Variants in EYS observed in about 807,000 individuals in gnomAD.
EYS encodes the protein protein eyes shut homolog.
A neutral mutation model predicts 282.1 loss-of-function variants in EYS; 250 were observed. That is an observed-to-expected ratio of 0.89 (90% CI 0.80 to 0.98). The LOEUF (loss-of-function observed/expected upper bound fraction) is 0.98, where lower values mean the gene tolerates loss of function less well. Among genes scored for constraint, EYS ranks in the 50% least tolerant of loss-of-function variants. The pLI is 0.00. For synonymous variants in EYS, 1,355 were observed against 1,282.9 expected, an observed-to-expected ratio of 1.06 and a Z score of -1.20; for missense variants, 4,016 against 3,709.0, an observed-to-expected ratio of 1.08 and a Z score of -2.15.
At chr6:65,387,700 C>T (rs1394788343) in intron 7 of EYS, among the ~76,000 whole-genome samples, 1 of 151,906 alleles carries the variant, frequency 6.6e-6, no homozygotes, top group Non-Finnish European at 1.5e-5. Context: ...TATAAACTAA[C>T]TTCAGATAGT....
At chr6:64,490,903 G>A (rs1486097069) in intron 26 of EYS, among the ~76,000 whole-genome samples, 1 of 150,658 alleles carries the variant, frequency 6.6e-6, no homozygotes, top group Admixed American at 6.6e-5. Flanking sequence ...TGCATATTAT[G>A]TGGTAGAACT....
At chr6:63,891,611 C>A (rs1036807289) in intron 35 of EYS, among the ~76,000 whole-genome samples, 1 of 152,140 alleles carries the variant, frequency 6.6e-6, no homozygotes, top group Admixed American at 6.6e-5. Flanking sequence ...CTATTTATGA[C>A]AAACCCATGG....
chr6:65,044,532 T>C (rs1773041542), intron 13 of EYS, among the ~76,000 whole-genome samples: 1 of 151,802 alleles, frequency 6.6e-6, no homozygotes, highest in Non-Finnish European at 1.5e-5. Context: ...GAGGATGAAG[T>C]CTCTCTAGTA....
intron 13 of EYS, among the ~76,000 whole-genome samples, chr6:65,000,615 T>C (rs1245530948): frequency 6.7e-6 from 1 of 149,756 alleles, no homozygotes; most frequent in Non-Finnish European, 1.5e-5. Flanking sequence ...CTACTAAAAA[T>C]ATAAAAAAAA....
intron 35 of EYS, among the ~76,000 whole-genome samples, chr6:63,887,324 T>G (rs927037648): frequency 6.6e-5 from 10 of 150,798 alleles, no homozygotes; most frequent in African/African-American, 1.2e-4. Context: ...GTTTTTTTTT[T>G]TTTTTTTTGT....
chr6:64,619,994 C>T (rs964650732), intron 23 of EYS, among the ~76,000 whole-genome samples: 1 of 152,078 alleles, frequency 6.6e-6, no homozygotes, highest in African/African-American at 2.4e-5. Flanking sequence ...CTGAGAAAAA[C>T]ATTAAGGCTG....
At chr6:65,446,791 A>C (rs1283637861) in intron 5 of EYS, among the ~76,000 whole-genome samples, 1 of 151,340 alleles carries the variant, frequency 6.6e-6, no homozygotes, top group East Asian at 1.9e-4. Flanking sequence ...ATAAATAACT[A>C]ATATATTATT....
chr6:65,070,976 C>T (rs1361374769), intron 12 of EYS, among the ~76,000 whole-genome samples: 3 of 151,810 alleles, frequency 2.0e-5, no homozygotes, highest in Non-Finnish European at 2.9e-5. Context: ...CCTATACATA[C>T]ATTTGTCACT....
At chr6:65,560,372 CATT>C (rs1388379574) in intron 2 of EYS, among the ~76,000 whole-genome samples, 2 of 143,548 alleles carry the variant, frequency 1.4e-5, no homozygotes, top group Non-Finnish European at 3.0e-5. Context: ...TAAAATAATA[CATT>C]ATTATATATT....
intron 26 of EYS, among the ~76,000 whole-genome samples, chr6:64,584,445 T>C (rs973604724): frequency 7.9e-5 from 12 of 151,704 alleles, no homozygotes; most frequent in African/African-American, 2.9e-4. Context: ...TTTCTAAAAT[T>C]GAAATTATAT....
chr6:65,598,798 T>G (rs954862566), intron 2 of EYS, among the ~76,000 whole-genome samples: 1 of 152,038 alleles, frequency 6.6e-6, no homozygotes, highest in Non-Finnish European at 1.5e-5. Flanking sequence ...CAGTTCAAAT[T>G]TTCGCTCTGT....
intron 41 of EYS, among the ~76,000 whole-genome samples, chr6:63,751,013 T>C (rs1769328632): frequency 6.6e-6 from 1 of 152,178 alleles, no homozygotes; most frequent in Non-Finnish European, 1.5e-5. Context: ...GATGCACTAA[T>C]TTTGATTATT....
At chr6:64,066,087 C>A (rs373773232) in intron 33 of EYS, among the ~76,000 whole-genome samples, 15 of 152,092 alleles carry the variant, frequency 9.9e-5, no homozygotes, top group African/African-American at 2.9e-4. Context: ...CATGGTGAAA[C>A]CCCATCTCTA....
chr6:63,879,460 G>T (rs1247516123), intron 35 of EYS, among the ~76,000 whole-genome samples: 4 of 152,084 alleles, frequency 2.6e-5, no homozygotes, highest in Non-Finnish European at 5.9e-5. Flanking sequence ...AAGTACTAGA[G>T]CAGCTACTTA....
chr6:64,272,147 A>T (rs1767963111), intron 30 of EYS, among the ~76,000 whole-genome samples: 1 of 152,158 alleles, frequency 6.6e-6, no homozygotes, highest in Non-Finnish European at 1.5e-5. Context: ...AGAAACCCAT[A>T]GGGATTTTGA....
intron 19 of EYS, among the ~76,000 whole-genome samples, chr6:64,871,009 A>C (rs1766578376): frequency 1.3e-5 from 2 of 151,954 alleles, no homozygotes. Flanking sequence ...AGGAAGGGAC[A>C]CAGAGAATGC....
At chr6:64,946,875 G>A (rs1255809944) in intron 14 of EYS, among the ~76,000 whole-genome samples, 3 of 151,852 alleles carry the variant, frequency 2.0e-5, no homozygotes, top group African/African-American at 4.8e-5. Context: ...TGAAACGTAC[G>A]ATTTCAATTA....
chr6:65,574,385 G>C (rs1483090239), intron 2 of EYS, among the ~76,000 whole-genome samples: 2 of 152,118 alleles, frequency 1.3e-5, no homozygotes, highest in African/African-American at 4.8e-5. Flanking sequence ...GAGAAAAAAA[G>C]CATAACACAT....
intron 26 of EYS, among the ~76,000 whole-genome samples, chr6:64,451,637 A>G (rs958020648): frequency 2.6e-5 from 4 of 152,208 alleles, no homozygotes; most frequent in African/African-American, 9.6e-5. Flanking sequence ...CGAATCCAGC[A>G]ACACATCAAA....
Sources: allele counts gnomAD v4.1 joint callset (sites outside exome capture counted in the v4.1 genomes callset), GRCh38; gene constraint gnomAD v4.1.1; transcripts MANE v1.5; gene names NCBI Gene and HGNC (gene_info 2026-07-23, HGNC 2026-07-21).